The following MBD5 variants were observed in gnomAD, a reference collection of about 807,000 sequenced individuals.
The protein encoded by MBD5 is methyl-CpG binding domain protein 5.
In MBD5, 13 loss-of-function variants were observed where a neutral mutation model predicts 117.3. The ratio of observed to expected loss-of-function variants is 0.11; its 90% CI spans 0.07 to 0.18. MBD5 has a LOEUF of 0.18. Ranked by LOEUF, MBD5 falls within the 10% of genes least tolerant of loss-of-function variation. MBD5 has a pLI of 1.00. For missense variants in MBD5, 1,879 were observed against 2,093.8 expected, an observed-to-expected ratio of 0.90 and a Z score of 2.00; for synonymous variants, 727 against 766.4, an observed-to-expected ratio of 0.95 and a Z score of 0.85.
Position 148,483,092 on chromosome 2 carries a change from T to C in MBD5, c.2519-18T>C. The C allele has an allele frequency of 1.9e-6, 3 of 1,604,428 alleles. No homozygotes were observed. The highest frequency in any genetic ancestry group is 2.5e-6 in the Non-Finnish European group (3 of 1,178,134). On this transcript the variant is annotated intron_variant, in intron 8 of 13. Coordinates refer to ENST00000642680, the MANE Select transcript of MBD5 (RefSeq NM_001378120.1). ...TGATTAATAACTGGGTTTTGTGTTTTTTTTTTTTTCATTTTAGGCGGTTCA... is the reference window on the plus strand; with the variant it reads ...TGATTAATAACTGGGTTTTGTGTTTCTTTTTTTTTCATTTTAGGCGGTTCA...
At chr2:148,031,060 C>T (rs551002948) in intron 1 of MBD5, among the ~76,000 whole-genome samples, 24 of 152,154 alleles carry the variant, frequency 1.6e-4, no homozygotes, top group African/African-American at 5.8e-4. Context: ...TAGACAATTT[C>T]AATCTGAGAT....
intron 1 of MBD5, among the ~76,000 whole-genome samples, chr2:148,117,155 G>GT (rs554372896): frequency 1.8e-4 from 27 of 152,026 alleles, no homozygotes; most frequent in Non-Finnish European, 2.9e-4. Context: ...TTTTCTCAGT[G>GT]TTTTTTTAAA....
chr2:148,416,804 T>C (rs1339570634), intron 4 of MBD5, among the ~76,000 whole-genome samples: 3 of 152,106 alleles, frequency 2.0e-5, no homozygotes, highest in Non-Finnish European at 4.4e-5. Flanking sequence ...CAATGTTCTT[T>C]ATACCACACT....
chr2:148,230,343 C>T (rs1177210560), intron 2 of MBD5, among the ~76,000 whole-genome samples: 2 of 152,168 alleles, frequency 1.3e-5, no homozygotes, highest in Non-Finnish European at 2.9e-5. Flanking sequence ...TACCACATCT[C>T]CACAGGGAGT....
chr2:148,273,036 T>C (rs1309802314), intron 3 of MBD5, among the ~76,000 whole-genome samples: 1 of 152,210 alleles, frequency 6.6e-6, no homozygotes, highest in Non-Finnish European at 1.5e-5. Flanking sequence ...TTTGTTCTCA[T>C]TTTATGCTGT....
At chr2:148,239,287 C>T (rs1401735014) in intron 3 of MBD5, among the ~76,000 whole-genome samples, 1 of 129,400 alleles carries the variant, frequency 7.7e-6, no homozygotes, top group African/African-American at 2.5e-5. Flanking sequence ...TTCCTATCTA[C>T]TCTCTAGCTT....
At chr2:148,335,483 C>T (rs1405318296) in intron 3 of MBD5, among the ~76,000 whole-genome samples, 2 of 152,096 alleles carry the variant, frequency 1.3e-5, no homozygotes, top group East Asian at 1.9e-4. Context: ...CTTTAGGAGG[C>T]GGAGGCAGGA....
At chr2:148,146,207 A>G (rs1478370640) in intron 1 of MBD5, among the ~76,000 whole-genome samples, 1 of 152,124 alleles carries the variant, frequency 6.6e-6, no homozygotes, top group African/African-American at 2.4e-5. Context: ...GATATCTTAT[A>G]TATGATGAGT....
chr2:148,231,391 C>T (rs1699982576), intron 2 of MBD5, among the ~76,000 whole-genome samples: 1 of 152,160 alleles, frequency 6.6e-6, no homozygotes, highest in South Asian at 2.1e-4. Context: ...CTCCAGCACA[C>T]CAAACACTCT....
intron 13 of MBD5, among the ~76,000 whole-genome samples, chr2:148,511,302 A>G (rs934326679): frequency 6.6e-6 from 1 of 152,224 alleles, no homozygotes; most frequent in Admixed American, 6.5e-5. Context: ...TCTTAACTCA[A>G]GTAGAATAGG....
chr2:148,499,021 G>A (rs768355680), intron 11 of MBD5, among the ~76,000 whole-genome samples: 2 of 152,158 alleles, frequency 1.3e-5, no homozygotes, highest in South Asian at 2.1e-4. Context: ...GGTAGGGCAC[G>A]GTGGCTCATG....
rs1703938142 is a variant in MBD5 at position 148,374,357 on chromosome 2, T to C, written c.-557+32021T>C. 3.3e-5 allele frequency among the ~76,000 whole-genome samples: 5 copies of C among 152,284 alleles called. 1 individual carries two copies. The South Asian group carries it at 1.0e-3, about 32-fold the overall frequency. The stretch of plus-strand genomic sequence containing the variant: ...CTGAATGTATATGTAGATAGTTAAC[T>C]GTCCTCAATTACCATATTGTGTCTT... On this transcript the variant is annotated intron_variant, in intron 4 of 13. Coordinates refer to ENST00000642680, the MANE Select transcript of MBD5 (RefSeq NM_001378120.1).
intron 3 of MBD5, among the ~76,000 whole-genome samples, chr2:148,306,037 G>A (rs1039221659): frequency 2.0e-5 from 3 of 151,994 alleles, no homozygotes; most frequent in Non-Finnish European, 2.9e-5. Flanking sequence ...TGATCACATA[G>A]GCTTTTAAAA....
rs1706946615 is a variant in MBD5, at chr2:148,458,293, T to C, written c.-466T>C. The stretch of plus-strand genomic sequence containing the variant: ...CAGATTGGAAGATAAAGAGAAAGTT[T>C]AAAGAATGTGGCCTATAAAGGCGGG... On this transcript the variant is annotated 5_prime_UTR_variant, in exon 5 of 14. Transcript: ENST00000642680. 9.8e-6 allele frequency: 4 copies of C among 406,746 alleles called. No individual in the cohort carries two copies. 25.2% of individuals were successfully genotyped at this position (406,746 alleles called of 1,614,324 possible).
chr2:148,440,088 C>T (rs762501584), intron 4 of MBD5, among the ~76,000 whole-genome samples: 4 of 152,102 alleles, frequency 2.6e-5, no homozygotes, highest in East Asian at 1.9e-4. Flanking sequence ...TTTGATCTTA[C>T]GAATTTTTAC....
chr2:148,334,179 T>C (rs1702729575), intron 3 of MBD5, among the ~76,000 whole-genome samples: 1 of 152,160 alleles, frequency 6.6e-6, no homozygotes, highest in Non-Finnish European at 1.5e-5. Context: ...CTTTTGGAAA[T>C]TGTAGTACAA....
intron 1 of MBD5, among the ~76,000 whole-genome samples, chr2:148,112,693 A>G (rs1450700228): frequency 6.6e-6 from 1 of 152,158 alleles, no homozygotes; most frequent in African/African-American, 2.4e-5. Flanking sequence ...TTTTATTTAA[A>G]TCTAATTCCC....
At chr2:148,279,151 A>G (rs148758005) in intron 3 of MBD5, among the ~76,000 whole-genome samples, 8 of 152,310 alleles carry the variant, frequency 5.3e-5, no homozygotes, top group African/African-American at 1.2e-4. Flanking sequence ...AAGCAGAGCC[A>G]TCAAGGTGTG....
chr2:148,128,311 G>A, intron 1 of MBD5, among the ~76,000 whole-genome samples: 1 of 152,156 alleles, frequency 6.6e-6, no homozygotes, highest in East Asian at 1.9e-4. Flanking sequence ...TAAAAAGCAT[G>A]TCTACATATA....
Sources: allele counts gnomAD v4.1 joint callset (sites outside exome capture counted in the v4.1 genomes callset), GRCh38; gene constraint gnomAD v4.1.1; transcripts MANE v1.5; gene names NCBI Gene and HGNC (gene_info 2026-07-23, HGNC 2026-07-21).